IL10RB: variants seen among roughly 807,000 people sequenced by gnomAD.
IL10RB encodes the protein interleukin 10 receptor subunit beta, also known as interleukin-10 receptor subunit beta.
Under a neutral mutation model 38.7 loss-of-function variants are expected in IL10RB, and 30 were observed. That is an observed-to-expected ratio of 0.78 (90% confidence interval 0.58 to 1.05). The LOEUF (loss-of-function observed/expected upper bound fraction) is 1.05. Ranked by LOEUF, IL10RB falls within the 50% of genes least tolerant of loss-of-function variation. The pLI is 0.00. For synonymous variants in IL10RB, 142 were observed against 145.9 expected (o/e 0.97, Z 0.19); for missense variants, 328 against 397.1 (o/e 0.83, Z 1.48).
At chr21:33,267,382 C>G (rs1376271489) in intron 1 of IL10RB, among the ~76,000 whole-genome samples, 1 of 152,028 alleles carries the variant, frequency 6.6e-6, no homozygotes, top group Non-Finnish European at 1.5e-5. Context: ...ATTTATATCT[C>G]TCTTGGTACC....
intron 5 of IL10RB, among the ~76,000 whole-genome samples, chr21:33,284,050 C>T (rs1989328090): frequency 6.6e-6 from 1 of 152,160 alleles, no homozygotes; most frequent in East Asian, 1.9e-4. Flanking sequence ...AATCCTAACA[C>T]TTTGAGAGGC....
Position 33,277,108 on chromosome 21 carries a change from A to G in IL10RB, c.331+355A>G, listed in dbSNP as rs1371592535. 2.6e-5 allele frequency among the ~76,000 whole-genome samples: 4 copies of G among 152,206 alleles called. No homozygotes were observed. The East Asian group carries it at 7.7e-4, about 29-fold the overall frequency. ...ATTATGACTTAAACAAAGAAACATA[A>G]CGTGATAGGCAAAAGAATGAAGGCA... On this transcript the variant is annotated intron_variant, in intron 3 of 6. Transcript: ENST00000290200.
intron 4 of IL10RB, 86 bp downstream of exon 4, chr21:33,280,004 G>A: frequency 2.4e-6 from 3 of 1,233,420 alleles, no homozygotes; most frequent in Non-Finnish European, 3.6e-6. Context: ...TTATGGACTG[G>A]TCCTCTGTAA....
chr21:33,280,586 G>A (rs558307869), intron 4 of IL10RB, among the ~76,000 whole-genome samples: 24 of 152,240 alleles, frequency 1.6e-4, no homozygotes, highest in African/African-American at 5.1e-4. Flanking sequence ...AGTACATGAG[G>A]TTTCCTTCCT....
chr21:33,289,687 C>G (rs1359668651), intron 6 of IL10RB, among the ~76,000 whole-genome samples: 1 of 152,208 alleles, frequency 6.6e-6, no homozygotes, highest in Non-Finnish European at 1.5e-5. Flanking sequence ...TCTTGCCTGC[C>G]AGTCTCTTGG....
At chr21:33,281,909 C>T (rs1219716838) in intron 4 of IL10RB, among the ~76,000 whole-genome samples, 2 of 152,106 alleles carry the variant, frequency 1.3e-5, no homozygotes, top group Admixed American at 6.6e-5. Context: ...GTTGCCCAGA[C>T]GTGAAAGGGC....
At chr21:33,309,234 C>G (rs2083006195) in exon 2 of IL10RB, 1 of 152,182 alleles carries the variant, frequency 6.6e-6, no homozygotes, top group Non-Finnish European at 1.5e-5. Context: ...CCAATAACAC[C>G]AGCATATGCA....
At chr21:33,297,484 A>G (rs2082972753), downstream of IL10RB, among the ~76,000 whole-genome samples, 1 of 152,100 alleles carries the variant, frequency 6.6e-6, no homozygotes, top group African/African-American at 2.4e-5. Context: ...TTAAAAAGCC[A>G]GGGGACAGGC....
At chr21:33,297,654 A>C (rs2082973401), downstream of IL10RB, among the ~76,000 whole-genome samples, 1 of 151,962 alleles carries the variant, frequency 6.6e-6, no homozygotes, top group Non-Finnish European at 1.5e-5. Context: ...CCTTCTCTAC[A>C]AAAAGTTTTA....
intron 2 of IL10RB, among the ~76,000 whole-genome samples, chr21:33,272,423 A>T (rs1304861900): frequency 6.6e-6 from 1 of 151,900 alleles, no homozygotes; most frequent in Non-Finnish European, 1.5e-5. Flanking sequence ...TCACTTTTTT[A>T]TTTTATTTTA....
In IL10RB at chr21:33,283,151, A is replaced by T; in HGVS notation, c.556A>T (p.Thr186Ser). ...EVLRNLEPWT[T>S]YCVQVRGFLP... ...CCTCAGAAACCTGGAGCCATGGACA[A>T]CTTATTGTGTTCAAGTTCGAGGGTT... The change falls in exon 5 of 7, where the codon ACT becomes TCT. Residue 186 changes from threonine (T) to serine (S), a missense_variant. Physicochemically the swap from Thr to Ser is moderately conservative, Grantham distance 58. Transcript: ENST00000290200. 6.2e-7 allele frequency: 1 copy of T among 1,613,926 alleles called. No homozygotes were observed. Among genetic ancestry groups the T allele is most frequent in the East Asian group, 2.2e-5 (1 of 44,884 alleles).
intron 1 of IL10RB, among the ~76,000 whole-genome samples, chr21:33,304,849 A>G (rs997052972): frequency 5.9e-5 from 9 of 152,230 alleles, no homozygotes; most frequent in African/African-American, 2.2e-4. Flanking sequence ...GGCATCACAA[A>G]CACTATGTGA....
intron 6 of IL10RB, among the ~76,000 whole-genome samples, chr21:33,291,101 T>A (rs1989478157): frequency 6.6e-6 from 1 of 152,116 alleles, no homozygotes; most frequent in South Asian, 2.1e-4. Context: ...CTTCTCCCTA[T>A]GTGAGTGTCT....
chr21:33,278,668 T>C (rs1382099864), intron 3 of IL10RB, among the ~76,000 whole-genome samples: 2 of 152,362 alleles, frequency 1.3e-5, no homozygotes, highest in Non-Finnish European at 2.9e-5. Flanking sequence ...CTCTTGCTTC[T>C]GTGCTCTTAG....
At chr21:33,303,350 C>CTTTTT (rs11340111) in intron 1 of IL10RB, among the ~76,000 whole-genome samples, 74 of 109,892 alleles carry the variant, frequency 6.7e-4, no homozygotes, top group Non-Finnish European at 9.7e-4. Context: ...CTGTTACTTT[C>CTTTTT]TTTTTTTTTT....
At chr21:33,293,786 G>A (rs559192730) in intron 6 of IL10RB, among the ~76,000 whole-genome samples, 8 of 136,946 alleles carry the variant, frequency 5.8e-5, no homozygotes, top group Admixed American at 3.0e-4. Flanking sequence ...CAGCCTGGGC[G>A]ACAGAGTGAG....
At chr21:33,272,054 A>AT (rs1414711937) in intron 2 of IL10RB, among the ~76,000 whole-genome samples, 5 of 152,194 alleles carry the variant, frequency 3.3e-5, no homozygotes, top group African/African-American at 1.2e-4. Flanking sequence ...TGACCGCTGG[A>AT]TTTTCCAAAT....
intron 5 of IL10RB, among the ~76,000 whole-genome samples, chr21:33,286,631 G>A (rs998600808): frequency 2.6e-5 from 4 of 152,196 alleles, no homozygotes; most frequent in African/African-American, 7.2e-5. Context: ...CAGGAGGATC[G>A]CTTGAACCCA....
downstream of IL10RB, among the ~76,000 whole-genome samples, chr21:33,297,777 C>T (rs2082973869): frequency 6.6e-6 from 1 of 151,794 alleles, no homozygotes; most frequent in South Asian, 2.1e-4. Flanking sequence ...CATGCCATTG[C>T]CCTCCGGCCC....
Sources: allele counts gnomAD v4.1 joint callset (sites outside exome capture counted in the v4.1 genomes callset), GRCh38; gene constraint gnomAD v4.1.1; transcripts MANE v1.5; gene names NCBI Gene and HGNC (gene_info 2026-07-23, HGNC 2026-07-21).